The following CACNG5 variants were observed in gnomAD, a reference collection of about 807,000 sequenced individuals.
The protein encoded by CACNG5 is voltage-dependent calcium channel gamma-5 subunit.
CACNG5 carries 18 observed loss-of-function variants against 24.8 expected under a neutral mutation model. The observed-to-expected ratio is 0.73, with a 90% CI of 0.50 to 1.08. The LOEUF is 1.08. Ranked by LOEUF, CACNG5 falls within the 50% of genes least tolerant of loss-of-function variation. The pLI is 0.00. For synonymous variants in CACNG5, 157 were observed against 149.1 expected (o/e 1.05, Z -0.39); for missense variants, 349 against 367.9 (o/e 0.95, Z 0.42).
In CACNG5 at chr17:66,892,766, A is replaced by C. The variant is rs1401121702; in HGVS notation, c.*7526A>C. On this transcript the variant is annotated 3_prime_UTR_variant, in exon 6 of 6. Coordinates refer to ENST00000533854, the MANE Select transcript of CACNG5 (RefSeq NM_145811.3). ...TTTTCATTAACAAAATGGTGAAGAG[A>C]CTAAATTAAACCACATAAGGTGAGT... Among the ~76,000 whole-genome samples, 1 of 152,232 alleles carries C rather than the reference A, an allele frequency of 6.6e-6. No individual in the cohort carries two copies. Among genetic ancestry groups the C allele is most frequent in the African/African-American group, 2.4e-5 (1 of 41,450 alleles).
At chr17:66,840,795 C>G (rs1258578080) in intron 1 of CACNG5, among the ~76,000 whole-genome samples, 1 of 152,174 alleles carries the variant, frequency 6.6e-6, no homozygotes, top group Non-Finnish European at 1.5e-5. Flanking sequence ...AGGAAGTTTC[C>G]TGGGACTGTC....
chr17:66,877,304 G>T lies in CACNG5; in HGVS notation c.-29G>T. The stretch of plus-strand genomic sequence containing the variant: ...CAGTCCGTGCTGGTGGGAGCGTGGC[G>T]ACTAGTTGCACAGCAACGGTCCAGG... On this transcript the variant is annotated 5_prime_UTR_variant, in exon 2 of 6. Transcript: ENST00000533854. 1 of 1,600,266 alleles carries T rather than the reference G, an allele frequency of 6.2e-7. No homozygotes were observed. The highest frequency in any genetic ancestry group is 1.1e-5 in the South Asian group (1 of 90,148).
chr17:66,860,985 T>C (rs1277952007), intron 1 of CACNG5, among the ~76,000 whole-genome samples: 1 of 152,012 alleles, frequency 6.6e-6, no homozygotes. Context: ...AAAGTAATCA[T>C]ATATAATACA....
intron 1 of CACNG5, among the ~76,000 whole-genome samples, chr17:66,871,716 CG>C (rs1343134782): frequency 6.6e-6 from 1 of 152,004 alleles, no homozygotes; most frequent in Non-Finnish European, 1.5e-5. Context: ...AAAAATTAGC[CG>C]GGCGTGGTGG....
At chr17:66,860,526 T>C (rs1464052520) in intron 1 of CACNG5, among the ~76,000 whole-genome samples, 1 of 151,472 alleles carries the variant, frequency 6.6e-6, no homozygotes, top group Non-Finnish European at 1.5e-5. Flanking sequence ...TATTGTCAGC[T>C]GAGAATCTTA....
intron 1 of CACNG5, among the ~76,000 whole-genome samples, chr17:66,860,001 T>C (rs1450439114): frequency 6.6e-6 from 1 of 152,314 alleles, no homozygotes; most frequent in Non-Finnish European, 1.5e-5. Context: ...TTAGCTCACT[T>C]ATCTTAGGCA....
intron 1 of CACNG5, among the ~76,000 whole-genome samples, chr17:66,846,931 C>G (rs1214189905): frequency 6.6e-6 from 1 of 152,360 alleles, no homozygotes; most frequent in East Asian, 1.9e-4. Flanking sequence ...CCAAAACTTA[C>G]AATTTTCCTG....
At chr17:66,864,034 A>G (rs2143081067) in intron 1 of CACNG5, among the ~76,000 whole-genome samples, 1 of 152,336 alleles carries the variant, frequency 6.6e-6, no homozygotes, top group East Asian at 1.9e-4. Context: ...TGTGTGGAAC[A>G]CAATAGAAGT....
chr17:66,861,307 A>G (rs1026248339), intron 1 of CACNG5, among the ~76,000 whole-genome samples: 1 of 152,264 alleles, frequency 6.6e-6, no homozygotes, highest in South Asian at 2.1e-4. Flanking sequence ...TTGTTTTAAA[A>G]GAAGACCTAC....
intron 1 of CACNG5, among the ~76,000 whole-genome samples, chr17:66,862,451 G>A (rs74877367): frequency 0.026 from 3,878 of 152,024 alleles, 56 homozygotes; most frequent in Non-Finnish European, 0.036. Flanking sequence ...GTGTGTGTGT[G>A]TGCACATAGG....
rs972265344 is a variant in CACNG5, at chr17:66,879,111, A to G, written c.283+53A>G. The stretch of plus-strand genomic sequence containing the variant: ...GCCACTGGCTGGACAGAGAGGAGCA[A>G]GGCAGAGGGAAGAGTCAGTGTGCCA... On this transcript the variant is annotated intron_variant, in intron 3 of 5. Coordinates refer to ENST00000533854, the MANE Select transcript of CACNG5 (RefSeq NM_145811.3). 1.6e-5 allele frequency: 21 copies of G among 1,331,998 alleles called. 1 individual carries two copies. In the South Asian group the frequency reaches 2.4e-4, roughly 15 times the overall value. The allele number at this position is 1,331,998 out of a possible 1,614,324, so 82.5% of individuals were successfully genotyped here. A position where few individuals can be genotyped will look rare whatever the true frequency, so the allele number is the denominator to read the frequency against.
chr17:66,864,518 T>C (rs1240005534), intron 1 of CACNG5, among the ~76,000 whole-genome samples: 1 of 152,242 alleles, frequency 6.6e-6, no homozygotes, highest in Non-Finnish European at 1.5e-5. Flanking sequence ...TTGATTGCTC[T>C]CCAATGTCTT....
intron 1 of CACNG5, among the ~76,000 whole-genome samples, chr17:66,872,903 C>T (rs564092078): frequency 2.0e-5 from 3 of 152,302 alleles, no homozygotes; most frequent in South Asian, 2.1e-4. Flanking sequence ...TACTGTGTCT[C>T]GTACATTTCT....
At chr17:66,876,038 G>A (rs1598059988) in intron 1 of CACNG5, among the ~76,000 whole-genome samples, 3 of 152,256 alleles carry the variant, frequency 2.0e-5, no homozygotes, top group Admixed American at 2.0e-4. Flanking sequence ...ATTTTAGTAG[G>A]CAGACAACTC....
intron 1 of CACNG5, among the ~76,000 whole-genome samples, chr17:66,851,357 C>T (rs986110592): frequency 6.6e-6 from 1 of 152,198 alleles, no homozygotes; most frequent in African/African-American, 2.4e-5. Context: ...ACCCAGAGTA[C>T]ATAGGATTCC....
At chr17:66,837,950 T>C (rs1476813) in intron 1 of CACNG5, among the ~76,000 whole-genome samples, 25,679 of 151,184 alleles carry the variant, frequency 0.17, 2,393 homozygotes, top group Admixed American at 0.23. Context: ...GAATACAGGG[T>C]GGGTGCCAGG....
At chr17:66,864,600 A>G (rs533964385) in intron 1 of CACNG5, among the ~76,000 whole-genome samples, 1 of 152,344 alleles carries the variant, frequency 6.6e-6, no homozygotes, top group Non-Finnish European at 1.5e-5. Context: ...AAGCTAGTTC[A>G]TTATCACCAG....
intron 1 of CACNG5, among the ~76,000 whole-genome samples, chr17:66,862,171 C>A (rs1414555933): frequency 6.6e-6 from 1 of 152,052 alleles, no homozygotes; most frequent in Non-Finnish European, 1.5e-5. Context: ...GAGCAGAAAG[C>A]CCCAAGAAGC....
At chr17:66,879,659 C>T (rs1977130863) in intron 3 of CACNG5, among the ~76,000 whole-genome samples, 1 of 152,140 alleles carries the variant, frequency 6.6e-6, no homozygotes, top group South Asian at 2.1e-4. Context: ...ACACATAGGG[C>T]AAGGTCTGGG....
Sources: allele counts gnomAD v4.1 joint callset (sites outside exome capture counted in the v4.1 genomes callset), GRCh38; gene constraint gnomAD v4.1.1; transcripts MANE v1.5; gene names NCBI Gene and HGNC (gene_info 2026-07-23, HGNC 2026-07-21).